The following ABHD16A variants were observed in gnomAD, a reference collection of about 807,000 sequenced individuals.
The protein encoded by ABHD16A is abhydrolase domain containing 16A, phospholipase.
In ABHD16A, 47 loss-of-function variants were observed where a neutral mutation model predicts 89.8. The ratio of observed to expected loss-of-function variants is 0.52; its 90% CI spans 0.41 to 0.67. The LOEUF is 0.67. Among genes scored for constraint, ABHD16A ranks in the 30% least tolerant of loss-of-function variants. The pLI, the probability that ABHD16A is intolerant of heterozygous loss-of-function variation, is 0.00. For missense variants in ABHD16A, 580 were observed against 734.6 expected, an observed-to-expected ratio of 0.79 and a Z score of 2.43; for synonymous variants, 251 against 280.4, an observed-to-expected ratio of 0.90 and a Z score of 1.05.
Position 31,700,989 on chromosome 6 carries a change from T to G in ABHD16A, c.296A>C (p.Tyr99Ser), listed in dbSNP as rs776429787. 6.2e-7 allele frequency: 1 copy of G among 1,613,864 alleles called. No homozygotes were observed. Among genetic ancestry groups the G allele is most frequent in the Non-Finnish European group, 8.5e-7 (1 of 1,179,958 alleles). The change falls in exon 4 of 20, where the codon TAT (tyrosine) becomes TCT (serine). Residue 99 changes from tyrosine (Y) to serine (S), a missense_variant. This residue lies in a region of ABHD16A where 165 missense variants were observed against 165.8 expected (regional missense o/e 1.00). Transcript: ENST00000395952. ...SLSKVVPFSH[Y>S]AGTLLLLLAG... ...CAGAAGTAGCAGCAATGTCCCAGCA[T>G]AGTGAGAAAACGGCACCACTTTGGA...
chr6:31,702,021 G>A (rs1805059639), intron 2 of ABHD16A, 53 bp downstream of exon 2: 2 of 1,606,646 alleles, frequency 1.2e-6, no homozygotes, highest in South Asian at 1.1e-5. Flanking sequence ...CTAAGTTCAA[G>A]AGGACAGGTG....
In ABHD16A at chr6:31,690,521, G is replaced by A. The variant is rs1298753541; in HGVS notation, c.907+18C>T. 2 of 1,612,436 alleles carry A rather than the reference G, an allele frequency of 1.2e-6. No individual in the cohort carries two copies. Among genetic ancestry groups the A allele is most frequent in the South Asian group, 2.2e-5 (2 of 91,070 alleles). On this transcript the variant is annotated intron_variant, in intron 10 of 19. Transcript: ENST00000395952. The surrounding 1 kb of genome is among the most constrained non-coding windows in gnomAD (Gnocchi z 4.1). ...CCTTTCAAAGGGCGGAGATAAGGAGGCTGAGTCACCGTCCTACCTTCCAGG... is the reference window on the plus strand; with the variant it reads ...CCTTTCAAAGGGCGGAGATAAGGAGACTGAGTCACCGTCCTACCTTCCAGG...
At chr6:31,689,779 C>A in intron 11 of ABHD16A, 75 bp from the exon 12 acceptor site, 1 of 1,534,812 alleles carries the variant, frequency 6.5e-7, no homozygotes, top group Non-Finnish European at 8.8e-7. Context: ...AACGTGGACC[C>A]CTCCTGCAGC....
Position 31,700,962 on chromosome 6 carries a change from G to A in ABHD16A, c.323C>T (p.Ala108Val), listed in dbSNP as rs768770979. 6.2e-7 allele frequency: 1 copy of A among 1,613,896 alleles called. No individual in the cohort carries two copies. Among genetic ancestry groups the A allele is most frequent in the South Asian group, 1.1e-5 (1 of 91,026 alleles). ...HYAGTLLLLL[A>V]GVACLRGIGR... ...CCTACCTCGGAGGCAGGCCACACCT[G>A]CCAGAAGTAGCAGCAATGTCCCAGC... Residue 108 changes from alanine (A) to valine (V), a missense_variant, in exon 4 of 20, where the codon GCA becomes GTA. Transcript: ENST00000395952.
rs766391312 is a variant in ABHD16A at position 31,702,743 on chromosome 6, G to A, written c.132+407C>T. ...AAATTCAAGGCGAGGGTAAAGGGAA[G>A]ATAAAAACAGAGCCGGGGGAGGCAT... On this transcript the variant is annotated intron_variant, in intron 1 of 19. Coordinates refer to ENST00000395952, the MANE Select transcript of ABHD16A (RefSeq NM_021160.3). The A allele has an allele frequency of 1.8e-5, 27 of 1,531,710 alleles. No individual in the cohort carries two copies. In the South Asian group the frequency reaches 2.2e-4, roughly 13 times the overall value. The allele number at this position is 1,531,710 out of a possible 1,614,324, so 94.9% of individuals were successfully genotyped here.
Position 31,690,281 on chromosome 6 carries a change from G to A in ABHD16A, c.908-154C>T, listed in dbSNP as rs1803742319. 5.4e-6 allele frequency: 4 copies of A among 738,532 alleles called. No homozygotes were observed. The South Asian group carries it at 7.5e-5, about 14-fold the overall frequency. The allele number at this position is 738,532 out of a possible 1,614,324, so 45.7% of individuals were successfully genotyped here. A position where few individuals can be genotyped will look rare whatever the true frequency, so the allele number is the denominator to read the frequency against. ...AGATGACACCAGAGGTTCTGAGGCAGCACAGGGAGCAGCATGTGATTGTGT... is the reference window on the plus strand; with the variant it reads ...AGATGACACCAGAGGTTCTGAGGCAACACAGGGAGCAGCATGTGATTGTGT... On this transcript the variant is annotated intron_variant, in intron 10 of 19. Coordinates refer to ENST00000395952, the MANE Select transcript of ABHD16A (RefSeq NM_021160.3). The surrounding 1 kb of genome is among the most constrained non-coding windows in gnomAD (Gnocchi z 4.1).
chr6:31,693,538 A>C lies in ABHD16A; in HGVS notation c.430-106T>G. The C allele has an allele frequency of 9.4e-7, 1 of 1,068,162 alleles. No homozygotes were observed. Among genetic ancestry groups the C allele is most frequent in the Non-Finnish European group, 1.4e-6 (1 of 713,672 alleles). 66.2% of individuals were successfully genotyped at this position (1,068,162 alleles called of 1,614,324 possible). ...TCCAGGGGTCTGATCCCCACACATC[A>C]TGGGGAAACCAAGCGGAGGTCAATA... is the stretch of plus-strand genomic sequence containing the variant. On this transcript the variant is annotated intron_variant, in intron 5 of 19. Transcript: ENST00000395952. This position sits in a 1 kb window ranked among gnomAD's most constrained non-coding sequence, Gnocchi z 5.0.
intron 7 of ABHD16A, 44 bp from the exon 8 acceptor site, chr6:31,691,962 T>C (rs1193215343): frequency 1.3e-6 from 2 of 1,488,190 alleles, no homozygotes; most frequent in Non-Finnish European, 1.8e-6. Context: ...TGTTGAGGCC[T>C]GGGGACTGTG....
intron 4 of ABHD16A, among the ~76,000 whole-genome samples, chr6:31,697,357 C>A (rs1199711858): frequency 6.6e-6 from 1 of 152,182 alleles, no homozygotes; most frequent in Non-Finnish European, 1.5e-5. Flanking sequence ...CACTATTAAA[C>A]ACTATCATAT....
At position 31,687,645 on chromosome 6, in the gene ABHD16A, C is replaced by T. The variant is rs758057318; in HGVS notation, c.1543G>A (p.Val515Met). Reference protein sequence around the residue: ...AEHGPDFPWSVGEDMSADGRR... With the variant: ...AEHGPDFPWSMGEDMSADGRR... ...TCCTGCCCCAGGAGCTCCTTACCCA[C>T]GCTCCAGGGGAAGTCGGGCCCGTGT... is the stretch of plus-strand genomic sequence containing the variant. Residue 515 changes from valine to methionine, a missense_variant, in exon 18 of 20, where the codon GTG becomes ATG. Physicochemically the swap from Val to Met is conservative, Grantham distance 21. Around this residue, in one of 2 missense-constraint regions of ABHD16A, gnomAD observed 415 missense variants for 568.8 expected, o/e 0.73. Transcript: ENST00000395952. This position sits in a 1 kb window ranked among gnomAD's most constrained non-coding sequence, Gnocchi z 6.3. 34 of 1,612,804 alleles carry T rather than the reference C, an allele frequency of 2.1e-5. No homozygotes were observed. Among genetic ancestry groups the T allele is most frequent in the South Asian group, 1.1e-4 (10 of 91,090 alleles).
At position 31,700,326 on chromosome 6, in the gene ABHD16A, A is replaced by G. The variant is rs534887133; in HGVS notation, c.343+616T>C. The stretch of plus-strand genomic sequence containing the variant: ...TTTTTGGTAGAGACGGGGTTTTACC[A>G]TGTTGGTCAGGCTGGTCTCAAATTC... On this transcript the variant is annotated intron_variant, in intron 4 of 19. Transcript: ENST00000395952. Among the ~76,000 whole-genome samples, 6 of 151,948 alleles carry G rather than the reference A, an allele frequency of 3.9e-5. No individual in the cohort carries two copies. In the East Asian group the frequency reaches 5.9e-4, roughly 15 times the overall value.
At position 31,703,209 on chromosome 6, in the gene ABHD16A, C is replaced by G; in HGVS notation, c.73G>C (p.Ala25Pro). Residue 25 changes from alanine to proline, a missense_variant, in exon 1 of 20, where the codon GCC becomes CCC. By Grantham distance (27) the Ala-to-Pro change is conservative (BLOSUM62 -1). Around this residue, in one of 2 missense-constraint regions of ABHD16A, gnomAD observed 165 missense variants for 165.8 expected, o/e 1.00. Transcript: ENST00000395952. ...GGCGTCTCAGGGACGCTGGCCGGGG[C>G]CCTTTCAGAGTCCCTCTCCCGGTAG... Reference protein sequence around the residue: ...KIYRERDSERAPASVPETPTA... With the variant: ...KIYRERDSERPPASVPETPTA... 6.9e-7 allele frequency: 1 copy of G among 1,442,528 alleles called. No individual in the cohort carries two copies. The highest frequency in any genetic ancestry group is 1.5e-5 in the African/African-American group (1 of 68,076). The allele number at this position is 1,442,528 out of a possible 1,614,324, so 89.4% of individuals were successfully genotyped here. A position where few individuals can be genotyped will look rare whatever the true frequency, so the allele number is the denominator to read the frequency against.
intron 8 of ABHD16A, 48 bp from the exon 9 acceptor site, chr6:31,691,728 C>T (rs1803896999): frequency 1.5e-6 from 2 of 1,358,714 alleles, no homozygotes; most frequent in African/African-American, 1.6e-5. Context: ...CAGGAGGCCA[C>T]ATCACAGGGG....
chr6:31,702,631 A>G (rs764377536), intron 1 of ABHD16A: 2 of 1,512,656 alleles, frequency 1.3e-6, no homozygotes, highest in South Asian at 2.5e-5. Context: ...CCAGCTCTCC[A>G]GAATACAATG....
chr6:31,689,975 G>T, intron 11 of ABHD16A, 103 bp downstream of exon 11: 1 of 1,333,744 alleles, frequency 7.5e-7, no homozygotes, highest in South Asian at 1.5e-5. Context: ...AGGTGAGTGG[G>T]ACGCCTTCAA....
intron 1 of ABHD16A, chr6:31,702,650 C>G (rs1463941499): frequency 6.5e-7 from 1 of 1,531,782 alleles, no homozygotes; most frequent in Non-Finnish European, 8.8e-7. Context: ...TGACTCGGGT[C>G]TCCAGGCTAG....
chr6:31,687,280 G>A lies in ABHD16A; in HGVS notation c.1609C>T (p.His537Tyr). The A allele has an allele frequency of 6.2e-7, 1 of 1,612,968 alleles. No homozygotes were observed. The highest frequency in any genetic ancestry group is 8.5e-7 in the Non-Finnish European group (1 of 1,179,990). ...GTGCAGTGAGTGGCCTCAAAGTTGT[G>A]CAGATGCTTCCGAGCCTGAGGAAAG... ...LALFLARKHLHNFEATHCTPL... is the reference protein window; with the variant it reads ...LALFLARKHLYNFEATHCTPL... The change falls in exon 20 of 20, where the codon CAC becomes TAC. Residue 537 changes from histidine (H) to tyrosine (Y), a missense_variant. Around this residue, in one of 2 missense-constraint regions of ABHD16A, gnomAD observed 415 missense variants for 568.8 expected, o/e 0.73. Coordinates refer to ENST00000395952, the MANE Select transcript of ABHD16A (RefSeq NM_021160.3). The surrounding 1 kb of genome is among the most constrained non-coding windows in gnomAD (Gnocchi z 6.3).
Position 31,689,578 on chromosome 6 carries a change from T to C in ABHD16A, c.1081+3A>G, listed in dbSNP as rs1803654438. 1 of 1,584,916 alleles carries C rather than the reference T, an allele frequency of 6.3e-7. No individual in the cohort carries two copies. Among genetic ancestry groups the C allele is most frequent in the Admixed American group, 1.8e-5 (1 of 55,888 alleles). ...CAGTGGGGGATGGGAGGGAGGCTGG[T>C]ACCAGTGAAGCCGCCGATGGACCAG... On this transcript the variant is annotated splice_donor_region_variant and intron_variant, in intron 12 of 19. Coordinates refer to ENST00000395952, the MANE Select transcript of ABHD16A (RefSeq NM_021160.3).
In ABHD16A at chr6:31,688,128, G is replaced by A; in HGVS notation, c.1308-25C>T. The A allele has an allele frequency of 6.2e-7, 1 of 1,607,778 alleles. No homozygotes were observed. Among genetic ancestry groups the A allele is most frequent in the Non-Finnish European group, 8.5e-7 (1 of 1,175,946 alleles). ...CCTGGGGGTGAGAAGAATGTACCCT[G>A]GAGGGGCTGGAGGTTAGGAGGAAGG... On this transcript the variant is annotated intron_variant, in intron 15 of 19. Transcript: ENST00000395952. This position sits in a 1 kb window ranked among gnomAD's most constrained non-coding sequence, Gnocchi z 4.9.
Sources: allele counts gnomAD v4.1 joint callset (sites outside exome capture counted in the v4.1 genomes callset), GRCh38; gene constraint gnomAD v4.1.1; regional missense constraint gnomAD v4.1.1; non-coding constraint Gnocchi (gnomAD v3.1); transcripts MANE v1.5; gene names NCBI Gene and HGNC (gene_info 2026-07-23, HGNC 2026-07-21).